The following CKAP5 variants were observed in gnomAD, a reference collection of about 807,000 sequenced individuals.
The protein encoded by CKAP5 is cytoskeleton-associated protein 5.
A neutral mutation model predicts 232.8 loss-of-function variants in CKAP5; 27 were observed. The ratio of observed to expected loss-of-function variants is 0.12; its 90% CI spans 0.09 to 0.16. The LOEUF (loss-of-function observed/expected upper bound fraction) is 0.16. Among genes scored for constraint, CKAP5 ranks in the 10% least tolerant of loss-of-function variants. CKAP5 has a pLI of 1.00. For missense variants in CKAP5, 1,838 were observed against 2,424.7 expected, an observed-to-expected ratio of 0.76 and a Z score of 5.08; for synonymous variants, 785 against 841.1, an observed-to-expected ratio of 0.93 and a Z score of 1.16.
At chr11:46,793,458 C>G (rs1239581449) in intron 13 of CKAP5, among the ~76,000 whole-genome samples, 4 of 152,200 alleles carry the variant, frequency 2.6e-5, no homozygotes, top group Non-Finnish European at 4.4e-5. Context: ...AGGCATTTGC[C>G]CCACTTCTAC....
intron 27 of CKAP5, among the ~76,000 whole-genome samples, chr11:46,766,556 G>T (rs983176001): frequency 3.3e-5 from 5 of 152,094 alleles, no homozygotes; most frequent in Non-Finnish European, 7.3e-5. Flanking sequence ...ACATGTACTG[G>T]TTAAAAAACA....
At chr11:46,755,188 T>A in intron 35 of CKAP5, 121 bp from the exon 36 acceptor site, 1 of 656,614 alleles carries the variant, frequency 1.5e-6, no homozygotes, top group Non-Finnish European at 2.3e-6. Context: ...AGTCTTACCT[T>A]AAAAAAAAGC....
chr11:46,825,856 C>G (rs909607034), intron 1 of CKAP5, among the ~76,000 whole-genome samples: 6 of 151,922 alleles, frequency 3.9e-5, no homozygotes, highest in African/African-American at 1.5e-4. Flanking sequence ...TAAAGAAACA[C>G]AACAACTATG....
chr11:46,797,364 C>G (rs943288165), intron 11 of CKAP5, among the ~76,000 whole-genome samples: 4 of 150,968 alleles, frequency 2.6e-5, no homozygotes, highest in African/African-American at 9.8e-5. Flanking sequence ...TAAACTCCAT[C>G]TCAAACAAAA....
chr11:46,751,636 C>T (rs2065065285), intron 38 of CKAP5, 102 bp from the exon 39 acceptor site: 8 of 993,324 alleles, frequency 8.1e-6, no homozygotes, highest in East Asian at 2.4e-5. Flanking sequence ...AAAAGATGGC[C>T]AGGGCTATAA....
intron 1 of CKAP5, among the ~76,000 whole-genome samples, chr11:46,837,050 TGGAGTCTGAAAGATTAAG>T (rs570382651): frequency 6.6e-6 from 1 of 151,980 alleles, no homozygotes; most frequent in Non-Finnish European, 1.5e-5. Context: ...TGGTAATGAG[TGGAGTCTGAAAGATTAAG>T]GGCAAAAGGA....
chr11:46,782,293 T>C (rs1221467918), intron 18 of CKAP5, among the ~76,000 whole-genome samples: 1 of 152,204 alleles, frequency 6.6e-6, no homozygotes, highest in Non-Finnish European at 1.5e-5. Flanking sequence ...GTGGCCAATA[T>C]GTAATTGTTT....
intron 42 of CKAP5, 44 bp from the exon 43 acceptor site, chr11:46,744,621 C>A (rs370033075): frequency 9.5e-6 from 15 of 1,573,028 alleles, no homozygotes; most frequent in Non-Finnish European, 1.2e-5. Flanking sequence ...ATCCACATAT[C>A]CCCCTTCTAA....
At chr11:46,787,042 C>T (rs1022643514) in intron 16 of CKAP5, among the ~76,000 whole-genome samples, 7 of 152,006 alleles carry the variant, frequency 4.6e-5, no homozygotes, top group African/African-American at 9.7e-5. Flanking sequence ...CCTGTGGTCC[C>T]GACTACTTGG....
At position 46,796,939 on chromosome 11, in the gene CKAP5, T is replaced by C; in HGVS notation, c.1340A>G (p.His447Arg). The C allele has an allele frequency of 6.2e-7, 1 of 1,613,884 alleles. No individual in the cohort carries two copies. Among genetic ancestry groups the C allele is most frequent in the Non-Finnish European group, 8.5e-7 (1 of 1,179,854 alleles). ...LKPFCAALLK[H>R]INDSAPEVRD... is the part of the protein sequence containing the mutation. The stretch of plus-strand genomic sequence containing the variant: ...GACTTCAGGAGCAGAATCATTGATG[T>C]GCTATAGTCCAGAAGTAAGCAAAAT... Residue 447 changes from histidine (H) to arginine (R), a missense_variant and splice_region_variant, in exon 12 of 44, where the codon CAC becomes CGC. Physicochemically the swap from His to Arg is conservative, Grantham distance 29. Transcript: ENST00000529230.
chr11:46,799,801 C>G (rs943699932), intron 9 of CKAP5, among the ~76,000 whole-genome samples: 1 of 152,114 alleles, frequency 6.6e-6, no homozygotes, highest in Non-Finnish European at 1.5e-5. Flanking sequence ...GATTTCGAGA[C>G]CAGCCTGGGC....
At chr11:46,795,024 C>T (rs1411976816) in intron 13 of CKAP5, among the ~76,000 whole-genome samples, 1 of 152,018 alleles carries the variant, frequency 6.6e-6, no homozygotes, top group Non-Finnish European at 1.5e-5. Context: ...TATTAATGAA[C>T]TGCACATTAA....
At chr11:46,800,329 T>G (rs980954344) in intron 9 of CKAP5, among the ~76,000 whole-genome samples, 1 of 152,222 alleles carries the variant, frequency 6.6e-6, no homozygotes, top group Non-Finnish European at 1.5e-5. Flanking sequence ...TTATTTTTAA[T>G]GCTATGAGTA....
chr11:46,804,195 A>T (rs1939100659), intron 8 of CKAP5, among the ~76,000 whole-genome samples: 1 of 152,218 alleles, frequency 6.6e-6, no homozygotes, highest in South Asian at 2.1e-4. Context: ...AGATACTGCG[A>T]ATCTGTTAAA....
At chr11:46,759,544 A>G (rs2065139127) in intron 33 of CKAP5, 102 bp from the exon 34 acceptor site, 2 of 1,209,800 alleles carry the variant, frequency 1.7e-6, no homozygotes, top group Admixed American at 5.6e-5. Context: ...CAGATGTTCA[A>G]CTTCTGGTTT....
At chr11:46,793,468 C>T (rs772564824) in intron 13 of CKAP5, among the ~76,000 whole-genome samples, 8 of 152,344 alleles carry the variant, frequency 5.3e-5, no homozygotes, top group Non-Finnish European at 1.2e-4. Flanking sequence ...CCCACTTCTA[C>T]ACTGTACAAA....
intron 8 of CKAP5, among the ~76,000 whole-genome samples, chr11:46,803,269 C>T (rs968619449): frequency 8.6e-5 from 13 of 151,084 alleles, no homozygotes; most frequent in African/African-American, 3.2e-4. Flanking sequence ...ATCTCAGAAA[C>T]AAAAAAACAA....
rs776823092 is a variant in CKAP5 at position 46,780,404 on chromosome 11, C to T, written c.2307+24G>A. 4.3e-6 allele frequency: 7 copies of T among 1,613,306 alleles called. No homozygotes were observed. In the East Asian group the frequency reaches 1.6e-4, roughly 36 times the overall value. On this transcript the variant is annotated intron_variant, in intron 19 of 43. Coordinates refer to ENST00000529230, the MANE Select transcript of CKAP5 (RefSeq NM_001008938.4). The stretch of plus-strand genomic sequence containing the variant: ...AATCCACAAAGATGGCAATACTGCC[C>T]TATATATGTTGTTATGTACTCACTG...
At chr11:46,772,873 C>T (rs1264841431) in intron 24 of CKAP5, among the ~76,000 whole-genome samples, 2 of 152,068 alleles carry the variant, frequency 1.3e-5, no homozygotes, top group Non-Finnish European at 2.9e-5. Flanking sequence ...TCTCGAGTAG[C>T]TGGGACTACA....
Sources: gnomAD v4.1 joint callset for allele counts (sites outside exome capture counted in the v4.1 genomes callset) on GRCh38, gnomAD v4.1.1 for gene constraint, MANE v1.5 for transcripts, NCBI Gene and HGNC (gene_info 2026-07-23, HGNC 2026-07-21) for gene names.